The following COA1 variants were observed in gnomAD, a reference collection of about 807,000 sequenced individuals.
COA1 encodes the protein cytochrome c oxidase assembly factor 1, also known as cytochrome c oxidase assembly factor 1 homolog.
A neutral mutation model predicts 16.0 loss-of-function variants in COA1; 13 were observed. That is an observed-to-expected ratio of 0.81 (90% CI 0.53 to 1.29). The LOEUF is 1.29. Ranked by LOEUF, COA1 falls within the 50% of genes most tolerant of loss-of-function variation. The probability of loss-of-function intolerance (pLI) is 0.00; values close to 1 mark genes in which losing one functional copy is unlikely to be tolerated. For synonymous variants in COA1, 65 were observed against 65.7 expected, an observed-to-expected ratio of 0.99 and a Z score of 0.05; for missense variants, 179 against 177.0, an observed-to-expected ratio of 1.01 and a Z score of -0.06.
chr7:43,702,760 T>C (rs2094802300), intron 1 of COA1, among the ~76,000 whole-genome samples: 1 of 152,204 alleles, frequency 6.6e-6, no homozygotes, highest in African/African-American at 2.4e-5. Flanking sequence ...TTTATCAAAC[T>C]AGCTAGCAAT....
intron 1 of COA1, among the ~76,000 whole-genome samples, chr7:43,694,144 T>C (rs1233659270): frequency 6.7e-6 from 1 of 148,242 alleles, no homozygotes; most frequent in Non-Finnish European, 1.5e-5. Flanking sequence ...AGATCCCAGT[T>C]CCTTTCATCT....
rs192575291 is a variant in COA1, at chr7:43,611,381, A to G, written c.*134-1886T>C. On this transcript the variant is annotated intron_variant and NMD_transcript_variant, in intron 6 of 6. Transcript: ENST00000415076. The stretch of plus-strand genomic sequence containing the variant: ...TCAAAGATATTAATTTTTTAATACC[A>G]TGGCTAAAATGGACACTCAGGACCC... 4.6e-5 allele frequency among the ~76,000 whole-genome samples: 7 copies of G among 152,332 alleles called. No individual in the cohort carries two copies. In the East Asian group the frequency reaches 1.4e-3, roughly 29 times the overall value.
intron 1 of COA1, among the ~76,000 whole-genome samples, chr7:43,705,065 A>C (rs2131525804): frequency 6.6e-6 from 1 of 152,318 alleles, no homozygotes; most frequent in Non-Finnish European, 1.5e-5. Flanking sequence ...TGCTTTCAGG[A>C]GGCCAAGGCT....
intron 1 of COA1, among the ~76,000 whole-genome samples, chr7:43,694,070 C>A (rs898925766): frequency 2.0e-5 from 3 of 150,708 alleles, no homozygotes; most frequent in South Asian, 2.1e-4. Context: ...CCAAAGTACT[C>A]TTTCCCTTTG....
chr7:43,644,795 GAGA>G (rs2088650735), intron 4 of COA1, among the ~76,000 whole-genome samples: 1 of 111,532 alleles, frequency 9.0e-6, no homozygotes, highest in Admixed American at 9.0e-5. Flanking sequence ...GGCAGGCAGA[GAGA>G]CAGAGAGAGA....
At chr7:43,613,555 G>A (rs1398163246) in intron 6 of COA1, among the ~76,000 whole-genome samples, 1 of 152,040 alleles carries the variant, frequency 6.6e-6, no homozygotes, top group African/African-American at 2.4e-5. Context: ...AAGTAGACTA[G>A]AAGAAGGCCA....
At chr7:43,726,147 A>C (rs2095612318) in intron 1 of COA1, among the ~76,000 whole-genome samples, 1 of 152,158 alleles carries the variant, frequency 6.6e-6, no homozygotes. Flanking sequence ...CAAGAGGATA[A>C]AAGAATAACT....
intron 1 of COA1, among the ~76,000 whole-genome samples, chr7:43,689,513 G>GC (rs1413331405): frequency 6.6e-6 from 1 of 152,006 alleles, no homozygotes; most frequent in Non-Finnish European, 1.5e-5. Context: ...AGAAGTCTAC[G>GC]CCCAGCCACA....
intron 1 of COA1, among the ~76,000 whole-genome samples, chr7:43,684,184 C>A (rs1165817109): frequency 1.3e-5 from 2 of 152,124 alleles, no homozygotes; most frequent in Admixed American, 6.5e-5. Context: ...CACCTCAGAT[C>A]ATCAGGCATT....
intron 1 of COA1, among the ~76,000 whole-genome samples, chr7:43,677,953 C>T (rs1026098653): frequency 1.3e-4 from 19 of 151,912 alleles, no homozygotes; most frequent in African/African-American, 3.9e-4. Context: ...TGCTAATGAG[C>T]TGTACCTTTT....
At chr7:43,636,523 G>A (rs2085905756), downstream of COA1, among the ~76,000 whole-genome samples, 1 of 152,226 alleles carries the variant, frequency 6.6e-6, no homozygotes, top group South Asian at 2.1e-4. Context: ...AAAGCTGCTT[G>A]CTTTGGGAAA....
chr7:43,726,827 T>C (rs1414823732), intron 1 of COA1, among the ~76,000 whole-genome samples: 1 of 152,198 alleles, frequency 6.6e-6, no homozygotes. Flanking sequence ...AAAGAACTCT[T>C]GCAACTCAAT....
At chr7:43,625,455 A>T (rs1156805913) in intron 6 of COA1, 1 of 152,056 alleles carries the variant, frequency 6.6e-6, no homozygotes, top group Non-Finnish European at 1.5e-5. Context: ...GAAAAACCCT[A>T]ATTTTTTTTC....
chr7:43,669,406 C>G (rs761337884), intron 1 of COA1, among the ~76,000 whole-genome samples: 8 of 152,110 alleles, frequency 5.3e-5, no homozygotes, highest in Non-Finnish European at 8.8e-5. Context: ...CATGGTGATT[C>G]CTGCCACCTT....
At chr7:43,687,540 T>A (rs2094094236) in intron 1 of COA1, among the ~76,000 whole-genome samples, 1 of 152,160 alleles carries the variant, frequency 6.6e-6, no homozygotes, top group Non-Finnish European at 1.5e-5. Context: ...TTACTGGCAT[T>A]TGAAAGTTTT....
intron 1 of COA1, among the ~76,000 whole-genome samples, chr7:43,674,794 AG>A (rs1370327849): frequency 6.6e-6 from 1 of 152,222 alleles, no homozygotes; most frequent in Non-Finnish European, 1.5e-5. Context: ...AGGACTTTTA[AG>A]GACAAACTTC....
chr7:43,673,765 T>C (rs183005539), intron 1 of COA1, among the ~76,000 whole-genome samples: 42 of 152,266 alleles, frequency 2.8e-4, no homozygotes, highest in African/African-American at 9.9e-4. Flanking sequence ...AATGGTGGAA[T>C]GGATAAAGAA....
At chr7:43,644,751 T>C (rs189043706) in intron 4 of COA1, among the ~76,000 whole-genome samples, 17,188 of 116,076 alleles carry the variant, frequency 0.15, 1,675 homozygotes, top group Non-Finnish European at 0.21. Flanking sequence ...GATAGATAGA[T>C]AGATAGATAG....
chr7:43,678,412 T>C (rs574663885), intron 1 of COA1, among the ~76,000 whole-genome samples: 4 of 152,290 alleles, frequency 2.6e-5, no homozygotes, highest in African/African-American at 7.2e-5. Flanking sequence ...TCTGTCACAT[T>C]TGATTTGGCA....
Sources: allele counts gnomAD v4.1 joint callset (sites outside exome capture counted in the v4.1 genomes callset), GRCh38; gene constraint gnomAD v4.1.1; transcripts MANE v1.5; gene names NCBI Gene and HGNC (gene_info 2026-07-23, HGNC 2026-07-21).